The following CADM2 variants were observed in gnomAD, a reference collection of about 807,000 sequenced individuals.
The protein encoded by CADM2 is cell adhesion molecule 2, also known as immunoglobulin superfamily member 4D.
In CADM2, 12 loss-of-function variants were observed where a neutral mutation model predicts 49.8. The observed-to-expected ratio is 0.24, with a 90% CI of 0.15 to 0.39. The LOEUF (loss-of-function observed/expected upper bound fraction) is 0.39. Among genes scored for constraint, CADM2 ranks in the 10% least tolerant of loss-of-function variants. The pLI is 1.00. For synonymous variants in CADM2, 214 were observed against 175.4 expected, an observed-to-expected ratio of 1.22 and a Z score of -1.74; for missense variants, 378 against 492.3, an observed-to-expected ratio of 0.77 and a Z score of 2.20.
At chr3:85,387,584 A>G (rs1360695965) in intron 1 of CADM2, among the ~76,000 whole-genome samples, 1 of 152,214 alleles carries the variant, frequency 6.6e-6, no homozygotes, top group Non-Finnish European at 1.5e-5. Flanking sequence ...TTCTGCAGGC[A>G]GTTCTCTGAA....
intron 2 of CADM2, among the ~76,000 whole-genome samples, chr3:85,732,094 C>CAAA (rs3044020): frequency 0.23 from 20,668 of 90,166 alleles, 2,344 homozygotes; most frequent in Middle Eastern, 0.31. Context: ...CTAAGAATAC[C>CAAA]AAAAAAAAAA....
chr3:85,868,809 G>T (rs1326301900), intron 3 of CADM2, among the ~76,000 whole-genome samples: 1 of 152,040 alleles, frequency 6.6e-6, no homozygotes, highest in Admixed American at 6.6e-5. Context: ...TCTCAAGTTG[G>T]TTAACGAAAT....
At chr3:85,887,810 GA>G (rs772518795) in intron 5 of CADM2, among the ~76,000 whole-genome samples, 5 of 152,120 alleles carry the variant, frequency 3.3e-5, no homozygotes, top group Non-Finnish European at 7.3e-5. Flanking sequence ...GACTTGGTTA[GA>G]TCTCTCTTTA....
At chr3:85,730,485 A>G (rs1244208223) in intron 2 of CADM2, among the ~76,000 whole-genome samples, 1 of 151,724 alleles carries the variant, frequency 6.6e-6, no homozygotes, top group East Asian at 1.9e-4. Context: ...AAAATATAAA[A>G]AATCTCATTC....
At chr3:85,749,136 C>G (rs557623668) in intron 2 of CADM2, among the ~76,000 whole-genome samples, 1 of 151,992 alleles carries the variant, frequency 6.6e-6, no homozygotes, top group Non-Finnish European at 1.5e-5. Flanking sequence ...CAGAAAATGT[C>G]AGAACAGGTG....
At chr3:85,152,647 C>T (rs566746269) in intron 1 of CADM2, among the ~76,000 whole-genome samples, 1 of 152,004 alleles carries the variant, frequency 6.6e-6, no homozygotes, top group East Asian at 1.9e-4. Context: ...GTCACACATT[C>T]TTTCTAAAGT....
At chr3:85,262,364 G>A (rs1032673566) in intron 1 of CADM2, among the ~76,000 whole-genome samples, 1 of 152,034 alleles carries the variant, frequency 6.6e-6, no homozygotes, top group Non-Finnish European at 1.5e-5. Context: ...TCTGACATCA[G>A]TGAAGTCACT....
chr3:85,844,300 T>G (rs992796102), intron 3 of CADM2, among the ~76,000 whole-genome samples: 2 of 152,102 alleles, frequency 1.3e-5, no homozygotes, highest in Non-Finnish European at 2.9e-5. Flanking sequence ...TCTCTATATT[T>G]TACCATACTT....
chr3:85,188,226 T>C (rs1170733520), intron 1 of CADM2, among the ~76,000 whole-genome samples: 1 of 152,140 alleles, frequency 6.6e-6, no homozygotes, highest in Non-Finnish European at 1.5e-5. Flanking sequence ...TGCTGTCATA[T>C]TTTGACAGCT....
At chr3:85,593,065 G>T (rs964640810) in intron 1 of CADM2, among the ~76,000 whole-genome samples, 4 of 151,548 alleles carry the variant, frequency 2.6e-5, no homozygotes, top group Non-Finnish European at 5.9e-5. Context: ...CTGCATTTCG[G>T]TTGCTATTTT....
intron 1 of CADM2, among the ~76,000 whole-genome samples, chr3:85,212,892 C>A (rs1363599911): frequency 9.1e-6 from 1 of 110,232 alleles, no homozygotes; most frequent in African/African-American, 5.0e-5. Flanking sequence ...CTTTCTCTTT[C>A]TTTCTTTTAA....
chr3:85,458,966 A>C (rs1474645864), intron 1 of CADM2, among the ~76,000 whole-genome samples: 2 of 152,194 alleles, frequency 1.3e-5, no homozygotes, highest in Non-Finnish European at 2.9e-5. Flanking sequence ...TTCTTTTTGC[A>C]ATACTTCAGA....
chr3:85,098,650 C>T (rs1367651079), intron 1 of CADM2, among the ~76,000 whole-genome samples: 7 of 152,140 alleles, frequency 4.6e-5, no homozygotes, highest in Non-Finnish European at 8.8e-5. Flanking sequence ...ATATTCGTCC[C>T]TCAGTACACA....
At chr3:85,466,920 A>G (rs2038521348) in intron 1 of CADM2, among the ~76,000 whole-genome samples, 1 of 152,144 alleles carries the variant, frequency 6.6e-6, no homozygotes, top group Non-Finnish European at 1.5e-5. Context: ...CTAACTTAAC[A>G]TTTTGATCCA....
chr3:85,676,724 T>C (rs2065896726), intron 1 of CADM2, among the ~76,000 whole-genome samples: 1 of 152,178 alleles, frequency 6.6e-6, no homozygotes, highest in Non-Finnish European at 1.5e-5. Context: ...CATATGACAA[T>C]CTTTCCACCA....
chr3:85,465,346 A>G (rs1364014397), intron 1 of CADM2, among the ~76,000 whole-genome samples: 1 of 152,174 alleles, frequency 6.6e-6, no homozygotes, highest in Non-Finnish European at 1.5e-5. Flanking sequence ...AGTATTTGCC[A>G]CTACCATCGA....
At position 85,172,768 on chromosome 3, in the gene CADM2, T is replaced by C. The variant is rs992130018; in HGVS notation, c.61+213100T>C. Among the ~76,000 whole-genome samples, 5 of 150,800 alleles carry C rather than the reference T, an allele frequency of 3.3e-5. No homozygotes were observed. The Admixed American group carries it at 3.3e-4, about 10-fold the overall frequency. ...GGAAGATGCTGTAAGGCTGTTGTAA[T>C]TGGTGGCTCTGCGCATATGGTGAAA... On this transcript the variant is annotated intron_variant, in intron 1 of 9. Transcript: ENST00000383699.
chr3:85,701,309 G>C (rs1326981394), intron 1 of CADM2, among the ~76,000 whole-genome samples: 2 of 152,010 alleles, frequency 1.3e-5, no homozygotes, highest in Non-Finnish European at 2.9e-5. Context: ...TCCAGCACTG[G>C]GATTACATTA....
Position 85,495,549 on chromosome 3 carries a change from G to C in CADM2, c.62-230973G>C, listed in dbSNP as rs140457451. 1.3e-4 allele frequency among the ~76,000 whole-genome samples: 20 copies of C among 152,116 alleles called. No individual in the cohort carries two copies. In the East Asian group the frequency reaches 3.9e-3, roughly 29 times the overall value. ...GTTCTGCTTATTTCTCTAACTAAAA[G>C]TCTAGTCCCTGTTTGTTCTTTATTA... On this transcript the variant is annotated intron_variant, in intron 1 of 9. Transcript: ENST00000383699.
Sources: allele counts gnomAD v4.1 joint callset (sites outside exome capture counted in the v4.1 genomes callset), GRCh38; gene constraint gnomAD v4.1.1; transcripts MANE v1.5; gene names NCBI Gene and HGNC (gene_info 2026-07-23, HGNC 2026-07-21).